PARP16: variants seen among roughly 807,000 people sequenced by gnomAD.
PARP16 encodes poly(ADP-ribose) polymerase family member 16, also known as protein mono-ADP-ribosyltransferase PARP16.
In PARP16, 31 loss-of-function variants were observed where a neutral mutation model predicts 35.0. The observed-to-expected ratio is 0.88, with a 90% CI of 0.66 to 1.19. PARP16 has a LOEUF of 1.19. Among genes scored for constraint, PARP16 ranks in the 50% most tolerant of loss-of-function variants. The probability of loss-of-function intolerance (pLI) is 0.00; values close to 1 mark genes in which losing one functional copy is unlikely to be tolerated. For missense variants in PARP16, 424 were observed against 411.2 expected (o/e 1.03, Z -0.27); for synonymous variants, 162 against 169.5 (o/e 0.96, Z 0.34).
At chr15:65,264,984 A>C (rs1403285629) in intron 3 of PARP16, among the ~76,000 whole-genome samples, 1 of 152,258 alleles carries the variant, frequency 6.6e-6, no homozygotes, top group East Asian at 1.9e-4. Flanking sequence ...ACCAGTGTAA[A>C]GGGGAAGCCC....
In PARP16 at chr15:65,258,750, T is replaced by C. The variant is rs903266250; in HGVS notation, c.*657A>G. ...AAAGAGCAGTTTTCTCATCTTGAGT[T>C]GCTCATTAAGTCTGTATTTTTTATC... On this transcript the variant is annotated 3_prime_UTR_variant, in exon 6 of 6. Transcript: ENST00000649807. 5.9e-5 allele frequency: 9 copies of C among 152,670 alleles called. No homozygotes were observed. The highest frequency in any genetic ancestry group is 1.3e-4 in the Non-Finnish European group (9 of 68,048). 9.5% of individuals were successfully genotyped at this position (152,670 alleles called of 1,614,324 possible).
intron 3 of PARP16, among the ~76,000 whole-genome samples, chr15:65,237,887 G>A (rs770710009): frequency 6.6e-6 from 1 of 152,190 alleles, no homozygotes; most frequent in Non-Finnish European, 1.5e-5. Flanking sequence ...CTCTCCTTCA[G>A]GAGACCTCTA....
At chr15:65,285,958 C>G (rs1363778788) in intron 1 of PARP16, among the ~76,000 whole-genome samples, 1 of 152,200 alleles carries the variant, frequency 6.6e-6, no homozygotes, top group Non-Finnish European at 1.5e-5. Flanking sequence ...CCTGGCCAGG[C>G]TAGAAAATCT....
At chr15:65,285,571 A>T (rs892216511) in intron 1 of PARP16, 1 of 337,100 alleles carries the variant, frequency 3.0e-6, no homozygotes, top group Admixed American at 3.2e-5. Flanking sequence ...CACACTTGAC[A>T]GGTCCCAAAG....
At position 65,286,339 on chromosome 15, in the gene PARP16, C is replaced by A. The variant is rs773831553; in HGVS notation, c.88G>T (p.Ala30Ser). 1 of 1,602,496 alleles carries A rather than the reference C, an allele frequency of 6.2e-7. No homozygotes were observed. The change falls in exon 1 of 6, where the codon GCC becomes TCC. Residue 30 changes from alanine to serine, a missense_variant. Physicochemically the swap from Ala to Ser is moderately conservative, Grantham distance 99. Coordinates refer to ENST00000649807, the MANE Select transcript of PARP16 (RefSeq NM_001316943.2). The stretch of plus-strand genomic sequence containing the variant: ...GAGTCGCGCTTGTAGCTCTGCAGGG[C>A]CGAGGCGAAGAGGCTGCACCGGAGG... ...ADLRCSLFAS[A>S]LQSYKRDSVL...
In PARP16 at chr15:65,270,386, C is replaced by T. The variant is rs975911439; in HGVS notation, c.312+549G>A. Among the ~76,000 whole-genome samples, 35 of 152,230 alleles carry T rather than the reference C, an allele frequency of 2.3e-4. 2 individuals carry two copies. Among genetic ancestry groups the T allele is most frequent in the African/African-American group, 7.7e-4 (32 of 41,538 alleles). ...TAAATGGAAAAAAGGAGGCCCTTTTCGATAGAAATGGGATTTGAACCCAGA... is the reference window on the plus strand; with the variant it reads ...TAAATGGAAAAAAGGAGGCCCTTTTTGATAGAAATGGGATTTGAACCCAGA... On this transcript the variant is annotated intron_variant, in intron 2 of 5. Coordinates refer to ENST00000649807, the MANE Select transcript of PARP16 (RefSeq NM_001316943.2).
At chr15:65,263,395 C>G (rs2089800065) in intron 3 of PARP16, 75 bp from the exon 4 acceptor site, 10 of 1,276,370 alleles carry the variant, frequency 7.8e-6, no homozygotes, top group Non-Finnish European at 1.1e-5. Flanking sequence ...CGACACAGGT[C>G]TCTCTTCAAG....
intron 5 of PARP16, 126 bp from the exon 6 acceptor site, chr15:65,259,668 T>C: frequency 1.1e-6 from 1 of 908,158 alleles, no homozygotes; most frequent in Non-Finnish European, 1.7e-6. Context: ...AGCCATGAAA[T>C]GAAGCTTCGT....
intron 1 of PARP16, among the ~76,000 whole-genome samples, chr15:65,275,148 A>C (rs996821454): frequency 6.6e-6 from 1 of 152,052 alleles, no homozygotes; most frequent in African/African-American, 2.4e-5. Flanking sequence ...TGTCGTAACA[A>C]AGTTGGATAC....
downstream of PARP16, among the ~76,000 whole-genome samples, chr15:65,256,441 T>C (rs886465637): frequency 7.2e-6 from 1 of 138,210 alleles, no homozygotes; most frequent in Non-Finnish European, 1.5e-5. Flanking sequence ...GGAGTCTCGC[T>C]CTGTCACCCA....
At chr15:65,279,956 T>C (rs568857064) in intron 1 of PARP16, among the ~76,000 whole-genome samples, 1 of 152,008 alleles carries the variant, frequency 6.6e-6, no homozygotes, top group East Asian at 1.9e-4. Context: ...AAGAATGATC[T>C]TTCCAAACCG....
downstream of PARP16, among the ~76,000 whole-genome samples, chr15:65,255,476 C>T (rs949083587): frequency 1.3e-5 from 2 of 151,872 alleles, no homozygotes; most frequent in South Asian, 2.1e-4. Flanking sequence ...CAAAAGTGCC[C>T]AGGGCCCATG....
chr15:65,283,715 C>T lies in PARP16; in HGVS notation c.174+2538G>A, dbSNP rs181442967. Among the ~76,000 whole-genome samples the T allele has an allele frequency of 2.6e-3, 389 of 152,254 alleles. 4 individuals carry two copies. The highest frequency in any genetic ancestry group is 8.9e-3 in the African/African-American group (369 of 41,560). ...TGCTCTGGGCTTCCATGTTGTACGG[C>T]GCTTACCTAGTATGAGAGGTTAACA... On this transcript the variant is annotated intron_variant, in intron 1 of 5. Coordinates refer to ENST00000649807, the MANE Select transcript of PARP16 (RefSeq NM_001316943.2).
intron 4 of PARP16, 94 bp downstream of exon 4, chr15:65,263,055 A>G: frequency 1.7e-6 from 2 of 1,182,734 alleles, no homozygotes; most frequent in Non-Finnish European, 2.4e-6. Flanking sequence ...ACCCTTGGGC[A>G]TGCAATGGGT....
downstream of PARP16, among the ~76,000 whole-genome samples, chr15:65,233,025 A>T: frequency 6.6e-6 from 1 of 152,156 alleles, no homozygotes; most frequent in East Asian, 1.9e-4. Context: ...AATTTTAAAA[A>T]ATTAAAATGA....
At chr15:65,248,171 T>C (rs1027721334) in exon 3 of PARP16, 30 of 456,466 alleles carry the variant, frequency 6.6e-5, no homozygotes, top group Admixed American at 4.5e-4. Flanking sequence ...GCCCACCCTT[T>C]AGATGGCCAC....
chr15:65,266,820 C>T (rs1382230118), intron 2 of PARP16, 52 bp from the exon 3 acceptor site: 7 of 1,331,012 alleles, frequency 5.3e-6, no homozygotes, highest in Admixed American at 1.9e-5. Flanking sequence ...GGTAAATGTG[C>T]TGCAAAAATA....
rs1304495786 is a variant in PARP16 at position 65,286,656 on chromosome 15, G to T, written c.-230C>A. On this transcript the variant is annotated 5_prime_UTR_variant, in exon 1 of 6. Coordinates refer to ENST00000649807, the MANE Select transcript of PARP16 (RefSeq NM_001316943.2). ...CCGCCGAAGAGAGAGACCGAGGCCTGGACCGCGGGTCGGCGGGGAGGTTGG... is the reference window on the plus strand; with the variant it reads ...CCGCCGAAGAGAGAGACCGAGGCCTTGACCGCGGGTCGGCGGGGAGGTTGG... 2.1e-5 allele frequency: 9 copies of T among 437,436 alleles called. No individual in the cohort carries two copies. The highest frequency in any genetic ancestry group is 1.5e-4 in the South Asian group (3 of 19,950). The allele number at this position is 437,436 out of a possible 1,614,324, so 27.1% of individuals were successfully genotyped here. A position where few individuals can be genotyped will look rare whatever the true frequency, so the allele number is the denominator to read the frequency against.
At chr15:65,263,797 C>T (rs1486954019) in intron 3 of PARP16, among the ~76,000 whole-genome samples, 1 of 152,056 alleles carries the variant, frequency 6.6e-6, no homozygotes, top group East Asian at 1.9e-4. Context: ...AAATGAGGGG[C>T]CAGTACTCCA....
Sources: gnomAD v4.1 joint callset for allele counts (sites outside exome capture counted in the v4.1 genomes callset) on GRCh38, gnomAD v4.1.1 for gene constraint, MANE v1.5 for transcripts, NCBI Gene and HGNC (gene_info 2026-07-23, HGNC 2026-07-21) for gene names.